MAPRE2: variants seen among roughly 807,000 people sequenced by gnomAD.
MAPRE2 encodes the protein microtubule associated protein RP/EB family member 2, also known as microtubule-associated protein RP/EB family member 2.
In MAPRE2, 13 loss-of-function variants were observed where a neutral mutation model predicts 43.2. The observed-to-expected ratio is 0.30, with a 90% CI of 0.20 to 0.48. MAPRE2 has a LOEUF of 0.48. Ranked by LOEUF, MAPRE2 falls within the 20% of genes least tolerant of loss-of-function variation. The probability of loss-of-function intolerance (pLI) is 0.99; values close to 1 mark genes in which losing one functional copy is unlikely to be tolerated. For synonymous variants in MAPRE2, 135 were observed against 148.8 expected (o/e 0.91, Z 0.68); for missense variants, 161 against 400.2 (o/e 0.40, Z 5.10).
chr18:35,105,082 T>A (rs1045368692), intron 4 of MAPRE2, among the ~76,000 whole-genome samples: 1 of 152,158 alleles, frequency 6.6e-6, no homozygotes, highest in African/African-American at 2.4e-5. Context: ...TGGCCTCGTT[T>A]TCTAGGAATT....
intron 1 of MAPRE2, among the ~76,000 whole-genome samples, chr18:34,999,859 G>A (rs1006070554): frequency 2.0e-5 from 3 of 152,136 alleles, no homozygotes; most frequent in African/African-American, 7.2e-5. Flanking sequence ...CCCTGGGGAA[G>A]TTGCACAGGA....
At chr18:35,053,625 C>T (rs542987933) in intron 1 of MAPRE2, among the ~76,000 whole-genome samples, 1 of 152,232 alleles carries the variant, frequency 6.6e-6, no homozygotes, top group Admixed American at 6.5e-5. Flanking sequence ...TGTGTGTCCC[C>T]TTCTTGCTAG....
chr18:34,983,830 A>C (rs1230878079), intron 1 of MAPRE2, among the ~76,000 whole-genome samples: 1 of 152,024 alleles, frequency 6.6e-6, no homozygotes, highest in Non-Finnish European at 1.5e-5. Flanking sequence ...AGGTTTCACC[A>C]TGTTGGCCAG....
At chr18:35,026,347 A>G (rs969271707) in intron 2 of MAPRE2, among the ~76,000 whole-genome samples, 2 of 152,204 alleles carry the variant, frequency 1.3e-5, no homozygotes, top group Admixed American at 1.3e-4. Context: ...TCCTCATTAA[A>G]TGTACTGTGT....
At chr18:35,004,775 G>A (rs1431303382) in intron 1 of MAPRE2, among the ~76,000 whole-genome samples, 1 of 152,014 alleles carries the variant, frequency 6.6e-6, no homozygotes, top group African/African-American at 2.4e-5. Context: ...AAAATTAGCC[G>A]GGCATGGTGG....
intron 1 of MAPRE2, among the ~76,000 whole-genome samples, chr18:35,053,162 G>A (rs1367067304): frequency 6.6e-6 from 1 of 152,132 alleles, no homozygotes; most frequent in Non-Finnish European, 1.5e-5. Context: ...GGGAGGCTGA[G>A]GTGGGTGGAT....
At chr18:35,098,170 T>C (rs919976595) in intron 3 of MAPRE2, among the ~76,000 whole-genome samples, 1 of 152,206 alleles carries the variant, frequency 6.6e-6, no homozygotes, top group African/African-American at 2.4e-5. Flanking sequence ...GCAAATGGCC[T>C]GGAGTACTTT....
At chr18:35,041,229 C>G (rs117403546), upstream of MAPRE2, 294 of 990,792 alleles carry the variant, frequency 3.0e-4, 5 homozygotes, top group South Asian at 3.4e-3. Context: ...AGGCCTGCCC[C>G]GGTGCCTGCC....
rs1797218 is a variant in MAPRE2 at position 34,993,039 on chromosome 18, G to A, written c.-69-12453G>A. Reference sequence around the variant, plus strand: ...TGGATTGTGCTGCCTCAAAATACAGGTCAAGACACTAAGGCCTGAATCTTG... The same window carrying A: ...TGGATTGTGCTGCCTCAAAATACAGATCAAGACACTAAGGCCTGAATCTTG... On this transcript the variant is annotated intron_variant, in intron 1 of 7. Coordinates refer to the MAPRE2 transcript ENST00000413393. 4.6e-3 allele frequency among the ~76,000 whole-genome samples: 697 copies of A among 152,218 alleles called. 6 individuals carry two copies. The highest frequency in any genetic ancestry group is 6.8e-3 in the Middle Eastern group (2 of 294).
chr18:35,126,845 CT>C, intron 4 of MAPRE2, 102 bp from the exon 5 acceptor site: 1 of 967,760 alleles, frequency 1.0e-6, no homozygotes, highest in Middle Eastern at 2.2e-4. Flanking sequence ...GGAGGTATCT[CT>C]TATATGTTGT....
intron 1 of MAPRE2, among the ~76,000 whole-genome samples, chr18:34,991,478 A>G (rs2097023776): frequency 6.6e-6 from 1 of 152,180 alleles, no homozygotes; most frequent in Admixed American, 6.6e-5. Context: ...CTGCTTACCC[A>G]CAGCTCTCAC....
At chr18:35,112,449 G>C (rs889115725) in intron 4 of MAPRE2, among the ~76,000 whole-genome samples, 1 of 152,102 alleles carries the variant, frequency 6.6e-6, no homozygotes, top group Non-Finnish European at 1.5e-5. Flanking sequence ...GGGATTACAG[G>C]CGTGAGCTAC....
chr18:34,997,430 C>T (rs893496394), intron 1 of MAPRE2, among the ~76,000 whole-genome samples: 1 of 152,120 alleles, frequency 6.6e-6, no homozygotes, highest in Non-Finnish European at 1.5e-5. Context: ...CAACTTGGTA[C>T]CACATGAGAG....
intron 1 of MAPRE2, among the ~76,000 whole-genome samples, chr18:35,061,739 C>T (rs1906540854): frequency 1.3e-5 from 2 of 152,198 alleles, no homozygotes; most frequent in African/African-American, 4.8e-5. Context: ...CCTGTAATCT[C>T]TCTCCAGGAG....
chr18:35,135,043 C>T (rs1322868405), intron 6 of MAPRE2, among the ~76,000 whole-genome samples: 1 of 152,200 alleles, frequency 6.6e-6, no homozygotes, highest in Admixed American at 6.5e-5. Flanking sequence ...ACAGCCTTAA[C>T]ATAAATTGCA....
chr18:35,060,769 T>G (rs1211602787), intron 1 of MAPRE2, among the ~76,000 whole-genome samples: 5 of 152,218 alleles, frequency 3.3e-5, no homozygotes, highest in Non-Finnish European at 5.9e-5. Flanking sequence ...AAGCCCTGTA[T>G]GCAAGGAGCT....
At chr18:35,005,676 T>C (rs945309865) in intron 2 of MAPRE2, 2 of 510,970 alleles carry the variant, frequency 3.9e-6, no homozygotes, top group Non-Finnish European at 3.4e-6. Flanking sequence ...AAGCCGATAT[T>C]TGAGTAAATA....
chr18:35,008,766 C>T (rs2097032981), intron 2 of MAPRE2, among the ~76,000 whole-genome samples: 1 of 152,148 alleles, frequency 6.6e-6, no homozygotes, highest in Admixed American at 6.5e-5. Flanking sequence ...CTGTCAAGGA[C>T]AGACCATTTT....
At chr18:35,103,799 T>A (rs983213314) in intron 4 of MAPRE2, among the ~76,000 whole-genome samples, 3 of 152,156 alleles carry the variant, frequency 2.0e-5, no homozygotes, top group Non-Finnish European at 2.9e-5. Flanking sequence ...AATGTCTACA[T>A]CTGCTGAGAA....
Sources: allele counts gnomAD v4.1 joint callset (sites outside exome capture counted in the v4.1 genomes callset), GRCh38; gene constraint gnomAD v4.1.1; transcripts MANE v1.5; gene names NCBI Gene and HGNC (gene_info 2026-07-23, HGNC 2026-07-21).